The following MYO3B variants were observed in gnomAD, a reference collection of about 807,000 sequenced individuals.
The protein encoded by MYO3B is myosin-IIIb.
A neutral mutation model predicts 174.6 loss-of-function variants in MYO3B; 156 were observed. The observed-to-expected ratio is 0.89, with a 90% CI of 0.78 to 1.02. MYO3B has a LOEUF of 1.02. MYO3B is among the 50% of genes least tolerant of loss of function. The pLI, the probability that MYO3B is intolerant of heterozygous loss-of-function variation, is 0.00. For missense variants in MYO3B, 1,632 were observed against 1,639.4 expected (o/e 1.00, Z 0.08); for synonymous variants, 563 against 569.1 (o/e 0.99, Z 0.15).
Position 170,386,323 on chromosome 2 carries a change from A to G in MYO3B, c.1374+51A>G, listed in dbSNP as rs17607300. ...TGTGGCGAGAAGTTCCTACAGAGTA[A>G]CTGCATATTTGATAAATGATGGAAG... On this transcript the variant is annotated intron_variant, in intron 13 of 34. Coordinates refer to ENST00000408978, the MANE Select transcript of MYO3B (RefSeq NM_138995.5). 18,401 of 1,451,392 alleles carry G rather than the reference A, an allele frequency of 0.013. 1,488 individuals carry two copies. The East Asian group carries it at 0.24, about 19-fold the overall frequency. The allele number at this position is 1,451,392 out of a possible 1,614,324, so 89.9% of individuals were successfully genotyped here.
At chr2:170,211,853 C>T (rs1454661833) in intron 3 of MYO3B, among the ~76,000 whole-genome samples, 1 of 151,916 alleles carries the variant, frequency 6.6e-6, no homozygotes, top group Non-Finnish European at 1.5e-5. Context: ...CAGCTTAAGA[C>T]CAACCTCACA....
chr2:170,650,322 G>A (rs1201519370), intron 32 of MYO3B, among the ~76,000 whole-genome samples: 2 of 151,796 alleles, frequency 1.3e-5, no homozygotes, highest in African/African-American at 4.8e-5. Flanking sequence ...TTATACTTAG[G>A]GAACAAATAT....
At chr2:170,537,475 TTTTTTTG>T in intron 30 of MYO3B, among the ~76,000 whole-genome samples, 3 of 114,770 alleles carry the variant, frequency 2.6e-5, no homozygotes, top group East Asian at 2.6e-4. Context: ...TTTTTTTTTT[TTTTTTTG>T]GTGGGGAAGC....
At chr2:170,403,088 C>A in intron 19 of MYO3B, 93 bp downstream of exon 19, 1 of 1,236,146 alleles carries the variant, frequency 8.1e-7, no homozygotes, top group Admixed American at 2.2e-5. Context: ...AGACTAACAA[C>A]TAAAAGACCC....
At chr2:170,473,339 G>T in intron 25 of MYO3B, among the ~76,000 whole-genome samples, 1 of 151,320 alleles carries the variant, frequency 6.6e-6, no homozygotes. Context: ...GTAGAGACGG[G>T]GTTTCACCAT....
At chr2:170,220,055 G>A (rs1467398418) in intron 6 of MYO3B, among the ~76,000 whole-genome samples, 8 of 152,054 alleles carry the variant, frequency 5.3e-5, no homozygotes, top group South Asian at 2.1e-4. Context: ...TCAGGAGATC[G>A]AGACCATCCT....
chr2:170,339,671 A>T (rs1574813185), intron 8 of MYO3B, among the ~76,000 whole-genome samples: 1 of 152,248 alleles, frequency 6.6e-6, no homozygotes, highest in Non-Finnish European at 1.5e-5. Context: ...AACATCTAAA[A>T]GTCTGAAATA....
intron 8 of MYO3B, chr2:170,346,550 C>A (rs1196017510): frequency 6.6e-6 from 1 of 152,094 alleles, no homozygotes; most frequent in Non-Finnish European, 1.5e-5. Context: ...ACTGTATTTT[C>A]TTCCCTCCCT....
chr2:170,237,064 C>T (rs933853276), intron 7 of MYO3B, among the ~76,000 whole-genome samples: 2 of 152,204 alleles, frequency 1.3e-5, no homozygotes, highest in African/African-American at 2.4e-5. Context: ...ATGTGAACAA[C>T]CACCAACCAC....
chr2:170,636,640 T>C (rs1368703640), intron 32 of MYO3B, among the ~76,000 whole-genome samples: 1 of 152,126 alleles, frequency 6.6e-6, no homozygotes, highest in Non-Finnish European at 1.5e-5. Flanking sequence ...AGCCAGAGCC[T>C]CCCACCCTTC....
intron 23 of MYO3B, among the ~76,000 whole-genome samples, chr2:170,445,830 G>T (rs2094837855): frequency 6.6e-6 from 1 of 152,148 alleles, no homozygotes; most frequent in Non-Finnish European, 1.5e-5. Flanking sequence ...TAGAGATGAG[G>T]TCTTGCTATG....
intron 1 of MYO3B, among the ~76,000 whole-genome samples, chr2:170,188,749 C>G (rs1168708465): frequency 1.3e-5 from 2 of 152,100 alleles, no homozygotes; most frequent in East Asian, 3.9e-4. Flanking sequence ...TTAATGAGAA[C>G]TCTACACTTT....
rs146386782 is a variant in MYO3B at position 170,294,122 on chromosome 2, C to G, written c.750-41263C>G. Among the ~76,000 whole-genome samples the G allele has an allele frequency of 6.6e-5, 10 of 152,192 alleles. No homozygotes were observed. The East Asian group carries it at 1.9e-3, about 29-fold the overall frequency. ...TGTTTCGTCTTACCTAGAACAGAAC[C>G]TACTGATCTTTTTAAACAAACAGTT... On this transcript the variant is annotated intron_variant, in intron 7 of 34. Transcript: ENST00000408978.
chr2:170,548,106 C>CAAAAAAAA (rs10532249), intron 32 of MYO3B, among the ~76,000 whole-genome samples: 2 of 51,684 alleles, frequency 3.9e-5, no homozygotes, highest in African/African-American at 2.0e-4. Flanking sequence ...GACTCCGTCT[C>CAAAAAAAA]AAAAAAAAAA....
intron 22 of MYO3B, among the ~76,000 whole-genome samples, chr2:170,409,005 A>C (rs896661301): frequency 6.6e-6 from 1 of 152,182 alleles, no homozygotes; most frequent in Non-Finnish European, 1.5e-5. Flanking sequence ...CCAGAGACCC[A>C]GGGATGTAGA....
intron 7 of MYO3B, among the ~76,000 whole-genome samples, chr2:170,290,780 G>C (rs939138177): frequency 6.6e-6 from 1 of 151,104 alleles, no homozygotes; most frequent in African/African-American, 2.4e-5. Flanking sequence ...TTCCTTTGTG[G>C]TTATTTTCAC....
At chr2:170,253,967 A>C (rs1574660885) in intron 7 of MYO3B, among the ~76,000 whole-genome samples, 1 of 152,154 alleles carries the variant, frequency 6.6e-6, no homozygotes. Context: ...AGAAAACAAA[A>C]TATGCAGTAA....
At chr2:170,491,562 A>C (rs947395634) in intron 25 of MYO3B, among the ~76,000 whole-genome samples, 4 of 152,098 alleles carry the variant, frequency 2.6e-5, no homozygotes, top group African/African-American at 9.7e-5. Context: ...AGTAGCTGGG[A>C]CTATAGGTGC....
intron 16 of MYO3B, among the ~76,000 whole-genome samples, chr2:170,394,948 A>G (rs899449744): frequency 6.6e-6 from 1 of 152,264 alleles, no homozygotes; most frequent in Admixed American, 6.5e-5. Flanking sequence ...TAAAGCTTAA[A>G]TGAACTGATC....
Sources: allele counts gnomAD v4.1 joint callset (sites outside exome capture counted in the v4.1 genomes callset), GRCh38; gene constraint gnomAD v4.1.1; transcripts MANE v1.5; gene names NCBI Gene and HGNC (gene_info 2026-07-23, HGNC 2026-07-21).